DCHS2: variants seen among roughly 807,000 people sequenced by gnomAD.
DCHS2 encodes the protein dachsous cadherin-related 2.
A neutral mutation model predicts 182.4 loss-of-function variants in DCHS2; 142 were observed. The observed-to-expected ratio is 0.78, with a 90% CI of 0.68 to 0.89. The LOEUF is 0.89. Among genes scored for constraint, DCHS2 ranks in the 40% least tolerant of loss-of-function variants. The pLI is 0.00. For synonymous variants in DCHS2, 1,740 were observed against 1,663.3 expected, an observed-to-expected ratio of 1.05 and a Z score of -1.12; for missense variants, 4,319 against 4,198.6, an observed-to-expected ratio of 1.03 and a Z score of -0.79.
chr4:154,368,095 G>A (rs1290198542), intron 2 of DCHS2, among the ~76,000 whole-genome samples: 1 of 152,132 alleles, frequency 6.6e-6, no homozygotes, highest in Non-Finnish European at 1.5e-5. Flanking sequence ...ATTCCACAAA[G>A]AACAATGCAA....
chr4:154,420,555 C>G (rs1311332475), intron 1 of DCHS2, among the ~76,000 whole-genome samples: 1 of 152,130 alleles, frequency 6.6e-6, no homozygotes, highest in Non-Finnish European at 1.5e-5. Context: ...AGTCTAAAGA[C>G]TGGAAAACCT....
At chr4:154,359,473 A>G (rs1265100355) in intron 3 of DCHS2, among the ~76,000 whole-genome samples, 1 of 152,036 alleles carries the variant, frequency 6.6e-6, no homozygotes, top group African/African-American at 2.4e-5. Context: ...ATTATAAGCC[A>G]TGAAATAGTT....
chr4:154,320,579 T>C lies in DCHS2; in HGVS notation c.4820A>G (p.Gln1607Arg), dbSNP rs1736019118. 1 of 1,614,126 alleles carries C rather than the reference T, an allele frequency of 6.2e-7. No individual in the cohort carries two copies. The highest frequency in any genetic ancestry group is 1.3e-5 in the African/African-American group (1 of 75,034). ...GTCATTTACATCCAAAATCACTATT[T>C]GTGCTGTCAGTGATCTCAGTCGCCG... is the stretch of plus-strand genomic sequence containing the variant. ...TDRRLRSLTAQIVILDVNDHN... is the reference protein window; with the variant it reads ...TDRRLRSLTARIVILDVNDHN... Residue 1607 changes from glutamine to arginine, a missense_variant, in exon 9 of 20, where the codon CAA (glutamine) becomes CGA (arginine). Transcript: ENST00000357232.
intron 8 of DCHS2, 128 bp from the exon 9 acceptor site, chr4:154,321,350 A>C: frequency 1.9e-6 from 2 of 1,067,138 alleles, no homozygotes; most frequent in Non-Finnish European, 2.5e-6. Context: ...TAGTGAGAAA[A>C]ATGTCATTTT....
intron 3 of DCHS2, among the ~76,000 whole-genome samples, chr4:154,344,826 C>A (rs537025339): frequency 6.6e-6 from 1 of 152,244 alleles, no homozygotes; most frequent in East Asian, 1.9e-4. Flanking sequence ...ACGTTCAAAC[C>A]TTTAAGGGCA....
In DCHS2 at chr4:154,240,821, A is replaced by C. The variant is rs373386540; in HGVS notation, c.7075T>G (p.Ser2359Ala). The change falls in exon 18 of 20, where the codon TCT (serine) becomes GCT (alanine). Residue 2359 changes from serine (S) to alanine (A), a missense_variant and splice_region_variant. Coordinates refer to ENST00000357232, the MANE Select transcript of DCHS2 (RefSeq NM_001358235.2). ...TGAGTCACAATTACACCAGGCAAAG[A>C]ATCTGAAATAGTCATGACCAGTGTC... ...PSEAVEITEDSLPGVIVTHVS... is the reference protein window; with the variant it reads ...PSEAVEITEDALPGVIVTHVS... 6 of 1,613,208 alleles carry C rather than the reference A, an allele frequency of 3.7e-6. No homozygotes were observed. The highest frequency in any genetic ancestry group is 2.7e-5 in the African/African-American group (2 of 74,928).
At chr4:154,368,040 C>T (rs1003416875) in intron 2 of DCHS2, among the ~76,000 whole-genome samples, 3 of 152,100 alleles carry the variant, frequency 2.0e-5, no homozygotes, top group Non-Finnish European at 4.4e-5. Flanking sequence ...AGTGCCAGAG[C>T]CATGCCGGGT....
In DCHS2 at chr4:154,232,071, T is replaced by G. The variant is rs1367910970; in HGVS notation, c.*2465A>C. The G allele has an allele frequency of 6.6e-6, 1 of 152,134 alleles. No homozygotes were observed. Among genetic ancestry groups the G allele is most frequent in the East Asian group, 1.9e-4 (1 of 5,200 alleles). 9.4% of individuals were successfully genotyped at this position (152,134 alleles called of 1,614,324 possible). On this transcript the variant is annotated 3_prime_UTR_variant, in exon 20 of 20. Transcript: ENST00000357232. The stretch of plus-strand genomic sequence containing the variant: ...AGACAACTGTCTTTTATTTTATAGC[T>G]TATGAATTTGGGGCTTAATATGATT...
At chr4:154,257,401 T>C (rs1426330187) in intron 15 of DCHS2, among the ~76,000 whole-genome samples, 2 of 152,090 alleles carry the variant, frequency 1.3e-5, no homozygotes, top group African/African-American at 4.8e-5. Flanking sequence ...CTCTAGGGAA[T>C]GTAAAGCACA....
At chr4:154,374,025 A>G in intron 2 of DCHS2, 2 of 939,610 alleles carry the variant, frequency 2.1e-6, no homozygotes, top group South Asian at 3.1e-5. Context: ...AAAAAAAAAA[A>G]CTTGCTTATA....
At chr4:154,373,758 A>G in intron 2 of DCHS2, 1 of 594,734 alleles carries the variant, frequency 1.7e-6, no homozygotes, top group South Asian at 2.3e-5. Flanking sequence ...ATTCAGCCTC[A>G]TACCTGCAAG....
chr4:154,343,393 A>T, intron 3 of DCHS2: 1 of 1,268,118 alleles, frequency 7.9e-7, no homozygotes, highest in African/African-American at 1.5e-5. Flanking sequence ...TCTAGCTATG[A>T]AAGTCCTAGA....
intron 1 of DCHS2, among the ~76,000 whole-genome samples, chr4:154,472,227 A>G (rs1057206652): frequency 6.6e-6 from 1 of 152,216 alleles, no homozygotes; most frequent in Admixed American, 6.5e-5. Context: ...CCCCTTGACA[A>G]TGATTGTAAT....
Position 154,236,828 on chromosome 4 carries a change from T to C in DCHS2, c.7824A>G (p.Glu2608=). ...FHVETKFFHS[E]YPYKQVGYLV... ...GATAACCGACTTGCTTATAAGGATA[T>C]TCTGAATGAAAGAACTTAGTTTCCA... The change falls in exon 20 of 20, where the codon GAA becomes GAG. Residue 2608 remains glutamate, a synonymous_variant. Coordinates refer to ENST00000357232, the MANE Select transcript of DCHS2 (RefSeq NM_001358235.2). 1.2e-6 allele frequency: 2 copies of C among 1,614,096 alleles called. No individual in the cohort carries two copies. Among genetic ancestry groups the C allele is most frequent in the Admixed American group, 1.7e-5 (1 of 60,014 alleles).
chr4:154,240,533 T>C lies in DCHS2; in HGVS notation c.7359+4A>G. ...TGGTTTCGGCATCTCTTTAAGCCCT[T>C]TACCTGATAGAAATCTTGAGAAAAC... On this transcript the variant is annotated splice_donor_region_variant and intron_variant, in intron 18 of 19. Transcript: ENST00000357232. 6.2e-7 allele frequency: 1 copy of C among 1,613,048 alleles called. No individual in the cohort carries two copies. The highest frequency in any genetic ancestry group is 8.5e-7 in the Non-Finnish European group (1 of 1,179,336).
chr4:154,330,512 ACAAG>A (rs1436335139), intron 5 of DCHS2, among the ~76,000 whole-genome samples: 2 of 152,208 alleles, frequency 1.3e-5, no homozygotes, highest in Non-Finnish European at 2.9e-5. Context: ...CCTTGGGAAG[ACAAG>A]CACTCGGTCC....
At position 154,489,916 on chromosome 4, in the gene DCHS2, C is replaced by A; in HGVS notation, c.1440G>T (p.Leu480Phe). The change falls in exon 1 of 20, where the codon TTG (leucine) becomes TTT (phenylalanine). Residue 480 changes from leucine to phenylalanine, a missense_variant. Transcript: ENST00000357232. ...ATACCCCTGGGGGGCCGCCGGGTAG[C>A]AACGCGAAGTCTCCCTCTCCGCCTT... is the stretch of plus-strand genomic sequence containing the variant. Reference protein sequence around the residue: ...SLEGGEGDFALLPGGPPGVFF... With the variant: ...SLEGGEGDFAFLPGGPPGVFF... 1 of 1,537,504 alleles carries A rather than the reference C, an allele frequency of 6.5e-7. No individual in the cohort carries two copies. The highest frequency in any genetic ancestry group is 1.2e-5 in the South Asian group (1 of 82,796).
intron 7 of DCHS2, among the ~76,000 whole-genome samples, chr4:154,326,498 C>A (rs1325094662): frequency 6.6e-6 from 1 of 152,098 alleles, no homozygotes; most frequent in African/African-American, 2.4e-5. Flanking sequence ...CTTGTTTAAA[C>A]CGTCTTCTTT....
intron 1 of DCHS2, among the ~76,000 whole-genome samples, chr4:154,479,881 T>G (rs1040046139): frequency 6.6e-6 from 1 of 152,162 alleles, no homozygotes; most frequent in Non-Finnish European, 1.5e-5. Context: ...GACAATTAGA[T>G]TCTACACAAG....
Sources: allele counts gnomAD v4.1 joint callset (sites outside exome capture counted in the v4.1 genomes callset), GRCh38; gene constraint gnomAD v4.1.1; transcripts MANE v1.5; gene names NCBI Gene and HGNC (gene_info 2026-07-23, HGNC 2026-07-21).